Variants in KALRN observed in about 807,000 individuals in gnomAD.
KALRN encodes the protein kalirin RhoGEF kinase, also known as kalirin.
KALRN carries 70 observed loss-of-function variants against 353.7 expected under a neutral mutation model. That is an observed-to-expected ratio of 0.20 (90% CI 0.16 to 0.24). KALRN has a LOEUF of 0.24. Among genes scored for constraint, KALRN ranks in the 10% least tolerant of loss-of-function variants. KALRN has a pLI of 1.00. For synonymous variants in KALRN, 1,391 were observed against 1,434.8 expected, an observed-to-expected ratio of 0.97 and a Z score of 0.69; for missense variants, 2,791 against 3,756.7, an observed-to-expected ratio of 0.74 and a Z score of 6.72.
Position 124,634,464 on chromosome 3 carries a change from T to C in KALRN, c.5568+511T>C, listed in dbSNP as rs149543821. Among the ~76,000 whole-genome samples the C allele has an allele frequency of 5.3e-5, 8 of 152,338 alleles. No homozygotes were observed. In the East Asian group the frequency reaches 1.3e-3, roughly 26 times the overall value. ...TTGTCAAAGGTGGGCAAACTTAATA[T>C]GCGAAATTGCCTGACTTTGCTTTGC... On this transcript the variant is annotated intron_variant, in intron 36 of 59. Coordinates refer to ENST00000682506, the MANE Select transcript of KALRN (RefSeq NM_001388419.1).
chr3:124,515,905 G>A (rs904983666), intron 33 of KALRN, among the ~76,000 whole-genome samples: 14 of 152,106 alleles, frequency 9.2e-5, no homozygotes, highest in African/African-American at 3.4e-4. Flanking sequence ...TAAAATAATG[G>A]CTTCCTGGAT....
Position 124,369,564 on chromosome 3 carries a change from G to A in KALRN, c.1771-15281G>A, listed in dbSNP as rs576563836. Reference sequence around the variant, plus strand: ...AAGAATAATGTATAGCTAATTAAGAGATGCATCACCTCACATAGTTATCAT... The same window carrying A: ...AAGAATAATGTATAGCTAATTAAGAAATGCATCACCTCACATAGTTATCAT... On this transcript the variant is annotated intron_variant, in intron 10 of 59. Transcript: ENST00000682506. Among the ~76,000 whole-genome samples, 28 of 152,282 alleles carry A rather than the reference G, an allele frequency of 1.8e-4. No individual in the cohort carries two copies. The South Asian group carries it at 2.9e-3, about 16-fold the overall frequency.
At chr3:124,617,635 T>G (rs1395611047) in intron 34 of KALRN, among the ~76,000 whole-genome samples, 1 of 152,168 alleles carries the variant, frequency 6.6e-6, no homozygotes, top group Non-Finnish European at 1.5e-5. Flanking sequence ...CTTCAAACTC[T>G]GGTGCACATC....
At chr3:124,462,195 T>C (rs2059920210) in intron 24 of KALRN, among the ~76,000 whole-genome samples, 1 of 152,194 alleles carries the variant, frequency 6.6e-6, no homozygotes, top group Admixed American at 6.5e-5. Flanking sequence ...ACAAGAAGTG[T>C]GTAAGGCACT....
chr3:124,086,565 T>G (rs994018530), intron 1 of KALRN, among the ~76,000 whole-genome samples: 1 of 152,174 alleles, frequency 6.6e-6, no homozygotes, highest in Non-Finnish European at 1.5e-5. Flanking sequence ...TTTTGTAAAT[T>G]AGAGATATTA....
At chr3:124,681,636 T>TTA (rs1347088362) in intron 51 of KALRN, among the ~76,000 whole-genome samples, 5 of 146,120 alleles carry the variant, frequency 3.4e-5, no homozygotes, top group African/African-American at 1.0e-4. Flanking sequence ...TGTCTTTTTT[T>TTA]TTTTTTTTTT....
At chr3:124,391,285 G>A (rs1314487019) in intron 11 of KALRN, among the ~76,000 whole-genome samples, 1 of 152,022 alleles carries the variant, frequency 6.6e-6, no homozygotes. Flanking sequence ...TGGTGAAGAA[G>A]GTACAGTGCT....
intron 49 of KALRN, chr3:124,675,053 C>T (rs1462677921): frequency 6.6e-6 from 1 of 151,764 alleles, no homozygotes; most frequent in African/African-American, 2.4e-5. Flanking sequence ...ATTACCTTGG[C>T]ACAAATGCCA....
At chr3:124,414,574 T>G (rs2092391170) in intron 14 of KALRN, among the ~76,000 whole-genome samples, 1 of 152,180 alleles carries the variant, frequency 6.6e-6, no homozygotes, top group Non-Finnish European at 1.5e-5. Flanking sequence ...TATTCAAAAT[T>G]TATCTAACAA....
At position 124,639,879 on chromosome 3, in the gene KALRN, C is replaced by T. The variant is rs644007; in HGVS notation, c.5664+2576C>T. Among the ~76,000 whole-genome samples the T allele has an allele frequency of 1.3e-4, 20 of 152,022 alleles. 1 individual carries two copies. The highest frequency in any genetic ancestry group is 7.9e-4 in the Admixed American group (12 of 15,262). ...ACGTCACAGAAAGGAAAGAGGAAGC[C>T]GTGGTTTGGTTTCTTAGAATCTTCC... On this transcript the variant is annotated intron_variant, in intron 37 of 59. Coordinates refer to ENST00000682506, the MANE Select transcript of KALRN (RefSeq NM_001388419.1).
intron 34 of KALRN, among the ~76,000 whole-genome samples, chr3:124,585,118 G>T (rs940899751): frequency 6.6e-6 from 1 of 152,240 alleles, no homozygotes; most frequent in African/African-American, 2.4e-5. Context: ...TGGCGGTGAG[G>T]TTCTGACTTG....
At chr3:124,124,347 A>G (rs1233934810) in intron 1 of KALRN, among the ~76,000 whole-genome samples, 1 of 152,234 alleles carries the variant, frequency 6.6e-6, no homozygotes, top group African/African-American at 2.4e-5. Context: ...ATGTGACTGA[A>G]TTATTGCAAT....
chr3:124,216,593 G>A (rs1480523142), intron 1 of KALRN, among the ~76,000 whole-genome samples: 1 of 152,208 alleles, frequency 6.6e-6, no homozygotes, highest in African/African-American at 2.4e-5. Flanking sequence ...GTATAACTTA[G>A]TCTGTCCTCT....
chr3:124,448,892 A>C (rs1276516882), intron 21 of KALRN, among the ~76,000 whole-genome samples: 1 of 152,252 alleles, frequency 6.6e-6, no homozygotes, highest in Non-Finnish European at 1.5e-5. Context: ...TAAGGAAAAA[A>C]GGAAGTTTGA....
intron 3 of KALRN, among the ~76,000 whole-genome samples, chr3:124,254,178 T>C (rs1489305440): frequency 6.6e-6 from 1 of 152,140 alleles, no homozygotes; most frequent in East Asian, 1.9e-4. Flanking sequence ...GATGTTTGCT[T>C]CTTCAAGGGA....
At chr3:124,650,362 T>A (rs780932437) in intron 37 of KALRN, among the ~76,000 whole-genome samples, 34 of 152,216 alleles carry the variant, frequency 2.2e-4, no homozygotes, top group Non-Finnish European at 3.8e-4. Context: ...TGGAACAATT[T>A]TAGCTATCTC....
intron 10 of KALRN, among the ~76,000 whole-genome samples, chr3:124,352,186 A>G (rs1460531092): frequency 6.6e-6 from 1 of 152,098 alleles, no homozygotes; most frequent in Non-Finnish European, 1.5e-5. Flanking sequence ...AAGAGACATT[A>G]GGTGTCATCA....
At chr3:124,045,411 C>T (rs1437118813) in intron 1 of KALRN, among the ~76,000 whole-genome samples, 2 of 152,182 alleles carry the variant, frequency 1.3e-5, no homozygotes, top group African/African-American at 4.8e-5. Context: ...TTTTAAGCCT[C>T]TTCTGTGTAC....
intron 57 of KALRN, among the ~76,000 whole-genome samples, chr3:124,711,927 T>C (rs559770974): frequency 1.3e-5 from 2 of 152,310 alleles, no homozygotes; most frequent in East Asian, 3.9e-4. Context: ...GTTTCCATAA[T>C]AAGAAGATAA....
Sources: gnomAD v4.1 joint callset for allele counts (sites outside exome capture counted in the v4.1 genomes callset) on GRCh38, gnomAD v4.1.1 for gene constraint, MANE v1.5 for transcripts, NCBI Gene and HGNC (gene_info 2026-07-23, HGNC 2026-07-21) for gene names.